Variants in MRPL42 observed in about 807,000 individuals in gnomAD.
MRPL42 encodes large ribosomal subunit protein mL42.
Under a neutral mutation model 17.9 loss-of-function variants are expected in MRPL42, and 17 were observed. The ratio of observed to expected loss-of-function variants is 0.95; its 90% CI spans 0.65 to 1.42. MRPL42 has a LOEUF of 1.42. Ranked by LOEUF, MRPL42 falls within the 40% of genes most tolerant of loss-of-function variation. MRPL42 has a pLI of 0.00. For missense variants in MRPL42, 177 were observed against 175.2 expected (o/e 1.01, Z -0.06); for synonymous variants, 59 against 54.4 (o/e 1.08, Z -0.37).
At chr12:93,475,564 TC>T (rs1327969757) in intron 2 of MRPL42, among the ~76,000 whole-genome samples, 1 of 152,232 alleles carries the variant, frequency 6.6e-6, no homozygotes, top group Non-Finnish European at 1.5e-5. Context: ...AGACTTTGAT[TC>T]TTGGCATTGA....
At chr12:93,474,708 C>T (rs561435226) in intron 2 of MRPL42, among the ~76,000 whole-genome samples, 202 of 152,210 alleles carry the variant, frequency 1.3e-3, no homozygotes, top group Non-Finnish European at 1.8e-3. Flanking sequence ...AGATTACAGG[C>T]GTGAGCTACC....
At chr12:93,483,373 C>G (rs1057212670) in intron 4 of MRPL42, among the ~76,000 whole-genome samples, 1 of 152,148 alleles carries the variant, frequency 6.6e-6, no homozygotes, top group Non-Finnish European at 1.5e-5. Context: ...GTGTCACTTA[C>G]GCAAACCTAG....
intron 5 of MRPL42, 190 bp from the exon 6 acceptor site, chr12:93,500,986 T>A: frequency 4.1e-6 from 2 of 486,374 alleles, no homozygotes; most frequent in Non-Finnish European, 7.3e-6. Context: ...AAAAAATGAT[T>A]AGGTAAAGAA....
chr12:93,511,651 C>T lies in MRPL42; in HGVS notation c.*10430C>T, dbSNP rs1953726515. 6.6e-6 allele frequency: 1 copy of T among 152,222 alleles called. No homozygotes were observed. The highest frequency in any genetic ancestry group is 1.5e-5 in the Non-Finnish European group (1 of 68,000). 9.4% of individuals were successfully genotyped at this position (152,222 alleles called of 1,614,324 possible). On this transcript the variant is annotated 3_prime_UTR_variant, in exon 6 of 6. Transcript: ENST00000549982. ...TAATATATAGATATTACTAATATGG[C>T]AATTAGTTTATATGCTATTTGAATA...
At position 93,515,046 on chromosome 12, in the gene MRPL42, C is replaced by CG. The variant is rs1328988959; in HGVS notation, c.*13828dup. 6.6e-6 allele frequency: 1 copy of CG among 152,050 alleles called. No homozygotes were observed. Among genetic ancestry groups the CG allele is most frequent in the Non-Finnish European group, 1.5e-5 (1 of 68,000 alleles). The allele number at this position is 152,050 out of a possible 1,614,324, so 9.4% of individuals were successfully genotyped here. A position where few individuals can be genotyped will look rare whatever the true frequency, so the allele number is the denominator to read the frequency against. On this transcript the variant is annotated 3_prime_UTR_variant, in exon 6 of 6. Transcript: ENST00000549982. ...CTCTCCACCCTTCTTGATTCCTTTTCGGGAGAAAAGAAAAAAGTTTATTTT... is the reference window on the plus strand; with the variant it reads ...CTCTCCACCCTTCTTGATTCCTTTTCGGGGAGAAAAGAAAAAAGTTTATTTT...
At chr12:93,484,971 C>CATATATATAT in intron 4 of MRPL42, among the ~76,000 whole-genome samples, 652 of 33,604 alleles carry the variant, frequency 0.019, 141 homozygotes, top group African/African-American at 0.024. Context: ...AACACACACA[C>CATATATATAT]ACACACACAT....
chr12:93,489,779 G>GCC (rs533701792), intron 5 of MRPL42, among the ~76,000 whole-genome samples: 2 of 152,102 alleles, frequency 1.3e-5, no homozygotes, highest in East Asian at 1.9e-4. Flanking sequence ...CAGGTGATCT[G>GCC]CCCCACTTGG....
At position 93,511,528 on chromosome 12, in the gene MRPL42, T is replaced by A. The variant is rs1159230680; in HGVS notation, c.*10307T>A. 1.3e-5 allele frequency: 2 copies of A among 152,156 alleles called. No individual in the cohort carries two copies. Among genetic ancestry groups the A allele is most frequent in the Non-Finnish European group, 2.9e-5 (2 of 68,020 alleles). The allele number at this position is 152,156 out of a possible 1,614,324, so 9.4% of individuals were successfully genotyped here. A position where few individuals can be genotyped will look rare whatever the true frequency, so the allele number is the denominator to read the frequency against. ...CAAAGAAAGTACTTCAATTACCAGT[T>A]ACCAACACACAACAATTTGAAATAT... On this transcript the variant is annotated 3_prime_UTR_variant, in exon 6 of 6. Transcript: ENST00000549982.
rs1380091428 is a variant in MRPL42 at position 93,487,518 on chromosome 12, G to A, written c.241G>A (p.Val81Met). 8.7e-6 allele frequency: 14 copies of A among 1,613,576 alleles called. No homozygotes were observed. The East Asian group carries it at 2.9e-4, about 33-fold the overall frequency. ...HTKPIPRPDP[V>M]HNNEETHDQV... ...GTAGCCTATCCCTCGGCCAGATCCT[G>A]TGCATAATAATGAAGAAACACATGA... Residue 81 changes from valine to methionine, a missense_variant, in exon 5 of 6, where the codon GTG becomes ATG. Val to Met is a conservative substitution (Grantham distance 21). Transcript: ENST00000549982.
intron 3 of MRPL42, among the ~76,000 whole-genome samples, chr12:93,478,540 C>T (rs1345891142): frequency 6.6e-6 from 1 of 152,154 alleles, no homozygotes; most frequent in African/African-American, 2.4e-5. Flanking sequence ...AGCTACCACG[C>T]CTGGCCTTGA....
rs1366439553 is a variant in MRPL42 at position 93,506,082 on chromosome 12, A to G, written c.*4861A>G. ...GCTGGGATTATGAGCGTGCACCAGC[A>G]TGCCTGGCTGATTTTTTGTATTTTC... On this transcript the variant is annotated 3_prime_UTR_variant, in exon 6 of 6. Coordinates refer to ENST00000549982, the MANE Select transcript of MRPL42 (RefSeq NM_014050.4). 1.3e-5 allele frequency: 2 copies of G among 151,828 alleles called. No individual in the cohort carries two copies. The highest frequency in any genetic ancestry group is 2.9e-5 in the Non-Finnish European group (2 of 68,072). 9.4% of individuals were successfully genotyped at this position (151,828 alleles called of 1,614,324 possible).
At chr12:93,486,287 C>G (rs1880737422) in intron 4 of MRPL42, among the ~76,000 whole-genome samples, 1 of 152,164 alleles carries the variant, frequency 6.6e-6, no homozygotes, top group Non-Finnish European at 1.5e-5. Context: ...GCATTTTAGT[C>G]ACCTGAAATG....
Position 93,512,607 on chromosome 12 carries a change from A to G in MRPL42, c.*11386A>G, listed in dbSNP as rs1043277095. Reference sequence around the variant, plus strand: ...TTGTTTTTTAATGGCAGATAAAATCAAAGAGCAAAAGCAAAAGGTAGAAGC... The same window carrying G: ...TTGTTTTTTAATGGCAGATAAAATCGAAGAGCAAAAGCAAAAGGTAGAAGC... On this transcript the variant is annotated 3_prime_UTR_variant, in exon 6 of 6. Coordinates refer to ENST00000549982, the MANE Select transcript of MRPL42 (RefSeq NM_014050.4). The G allele has an allele frequency of 2.6e-5, 4 of 152,576 alleles. No individual in the cohort carries two copies. The highest frequency in any genetic ancestry group is 5.9e-5 in the Non-Finnish European group (4 of 68,044). 9.5% of individuals were successfully genotyped at this position (152,576 alleles called of 1,614,324 possible).
intron 4 of MRPL42, among the ~76,000 whole-genome samples, chr12:93,484,334 A>G (rs1880603231): frequency 6.6e-6 from 1 of 152,086 alleles, no homozygotes; most frequent in South Asian, 2.1e-4. Context: ...AAGTGCTGGA[A>G]TTACAGCCAT....
chr12:93,482,922 C>T (rs955990730), intron 4 of MRPL42, among the ~76,000 whole-genome samples: 7 of 151,122 alleles, frequency 4.6e-5, no homozygotes, highest in African/African-American at 1.7e-4. Context: ...GACAGAGTCT[C>T]ACTCTGTCAA....
rs1953766551 is a variant in MRPL42, at chr12:93,515,042, T to C, written c.*13821T>C. On this transcript the variant is annotated 3_prime_UTR_variant, in exon 6 of 6. Coordinates refer to ENST00000549982, the MANE Select transcript of MRPL42 (RefSeq NM_014050.4). ...TACACTCTCCACCCTTCTTGATTCCTTTTCGGGAGAAAAGAAAAAAGTTTA... is the reference window on the plus strand; with the variant it reads ...TACACTCTCCACCCTTCTTGATTCCCTTTCGGGAGAAAAGAAAAAAGTTTA... The C allele has an allele frequency of 6.6e-6, 1 of 152,212 alleles. No individual in the cohort carries two copies. Among genetic ancestry groups the C allele is most frequent in the Non-Finnish European group, 1.5e-5 (1 of 68,020 alleles). 9.4% of individuals were successfully genotyped at this position (152,212 alleles called of 1,614,324 possible).
intron 4 of MRPL42, among the ~76,000 whole-genome samples, chr12:93,486,599 A>C (rs1334095345): frequency 6.6e-6 from 1 of 152,208 alleles, no homozygotes; most frequent in Non-Finnish European, 1.5e-5. Context: ...TGGCCTCCCA[A>C]AGTGCTGGGA....
intron 5 of MRPL42, 174 bp from the exon 6 acceptor site, chr12:93,501,002 A>G: frequency 1.8e-6 from 1 of 541,982 alleles, no homozygotes; most frequent in Non-Finnish European, 3.2e-6. Flanking sequence ...AAGAAAAGAA[A>G]ACAAATTTTC....
In MRPL42 at chr12:93,507,452, A is replaced by G. The variant is rs1953682888; in HGVS notation, c.*6231A>G. On this transcript the variant is annotated 3_prime_UTR_variant, in exon 6 of 6. Coordinates refer to ENST00000549982, the MANE Select transcript of MRPL42 (RefSeq NM_014050.4). The stretch of plus-strand genomic sequence containing the variant: ...CTTTTAAGGATTTAATAACTTGCTT[A>G]TAAGTGTTTAAAATGACTTAATGGG... The G allele has an allele frequency of 6.6e-6, 1 of 152,240 alleles. No homozygotes were observed. Among genetic ancestry groups the G allele is most frequent in the Non-Finnish European group, 1.5e-5 (1 of 68,052 alleles). The allele number at this position is 152,240 out of a possible 1,614,324, so 9.4% of individuals were successfully genotyped here.
Sources: allele counts gnomAD v4.1 joint callset (sites outside exome capture counted in the v4.1 genomes callset), GRCh38; gene constraint gnomAD v4.1.1; transcripts MANE v1.5; gene names NCBI Gene and HGNC (gene_info 2026-07-23, HGNC 2026-07-21).